The following GLP1R variants were observed in gnomAD, a reference collection of about 807,000 sequenced individuals.
GLP1R encodes glucagon like peptide 1 receptor, also known as glucagon-like peptide 1 receptor.
GLP1R carries 32 observed loss-of-function variants against 68.4 expected under a neutral mutation model. The ratio of observed to expected loss-of-function variants is 0.47; its 90% CI spans 0.35 to 0.63. The LOEUF is 0.63. Among genes scored for constraint, GLP1R ranks in the 20% least tolerant of loss-of-function variants. GLP1R has a pLI of 0.00. For synonymous variants in GLP1R, 263 were observed against 244.4 expected (o/e 1.08, Z -0.71); for missense variants, 502 against 594.9 (o/e 0.84, Z 1.62).
intron 11 of GLP1R, among the ~76,000 whole-genome samples, chr6:39,080,315 G>A (rs1322860045): frequency 7.9e-5 from 12 of 152,182 alleles, no homozygotes; most frequent in Admixed American, 7.9e-4. Flanking sequence ...AGATGGGGCT[G>A]GAGTGGGGAA....
chr6:39,076,002 G>A (rs1768813001), intron 7 of GLP1R, among the ~76,000 whole-genome samples: 1 of 152,250 alleles, frequency 6.6e-6, no homozygotes, highest in African/African-American at 2.4e-5. Context: ...CCAGCAGGGA[G>A]TGCGTAATGT....
chr6:39,076,201 G>C (rs146329999), intron 7 of GLP1R, among the ~76,000 whole-genome samples: 1 of 152,172 alleles, frequency 6.6e-6, no homozygotes, highest in Non-Finnish European at 1.5e-5. Context: ...GCATGTGTAC[G>C]TGGTTCAGGA....
chr6:39,089,478 C>G lies in GLP1R; in HGVS notation c.*3405C>G, dbSNP rs1453113442. 1.3e-5 allele frequency among the ~76,000 whole-genome samples: 2 copies of G among 152,180 alleles called. No individual in the cohort carries two copies. The highest frequency in any genetic ancestry group is 4.1e-4 in the South Asian group (2 of 4,828). ...CCACAAAGGGCAAATGGAGTCAACTCCCTTCCATGCTCTGAAGGTCTTGGC... is the reference window on the plus strand; with the variant it reads ...CCACAAAGGGCAAATGGAGTCAACTGCCTTCCATGCTCTGAAGGTCTTGGC... On this transcript the variant is annotated 3_prime_UTR_variant, in exon 13 of 13. Transcript: ENST00000373256. The surrounding 1 kb of genome is among the most constrained non-coding windows in gnomAD (Gnocchi z 4.1).
chr6:39,061,505 C>T (rs775815159), intron 3 of GLP1R, among the ~76,000 whole-genome samples: 94 of 152,308 alleles, frequency 6.2e-4, no homozygotes, highest in Admixed American at 1.2e-3. Flanking sequence ...GGTGCCTCCC[C>T]TGAGTAATGT....
rs200768073 is a variant in GLP1R, at chr6:39,086,341, G to A, written c.*268G>A. On this transcript the variant is annotated 3_prime_UTR_variant, in exon 13 of 13. Coordinates refer to ENST00000373256, the MANE Select transcript of GLP1R (RefSeq NM_002062.5). This position sits in a 1 kb window ranked among gnomAD's most constrained non-coding sequence, Gnocchi z 4.5. ...TGGCGAGAGGAGAGGAAAAACGATCGCTGTGAAAATGAGGAGGATTGCTTC... is the reference window on the plus strand; with the variant it reads ...TGGCGAGAGGAGAGGAAAAACGATCACTGTGAAAATGAGGAGGATTGCTTC... 1.7e-4 allele frequency: 64 copies of A among 380,126 alleles called. 1 individual carries two copies. The highest frequency in any genetic ancestry group is 4.7e-5 in the Non-Finnish European group (10 of 212,158). The allele number at this position is 380,126 out of a possible 1,614,324, so 23.5% of individuals were successfully genotyped here.
intron 1 of GLP1R, among the ~76,000 whole-genome samples, chr6:39,053,864 C>G (rs1005966848): frequency 1.3e-5 from 2 of 152,150 alleles, no homozygotes; most frequent in African/African-American, 4.8e-5. Context: ...CAGAACCTCC[C>G]ATCTGTCCCA....
chr6:39,085,524 C>A (rs562641234), intron 12 of GLP1R, among the ~76,000 whole-genome samples: 11 of 152,342 alleles, frequency 7.2e-5, no homozygotes, highest in African/African-American at 2.6e-4. Context: ...CAAGCTGAAA[C>A]TGGACTGTGC....
At chr6:39,053,572 T>C (rs189737604) in intron 1 of GLP1R, among the ~76,000 whole-genome samples, 43 of 152,176 alleles carry the variant, frequency 2.8e-4, no homozygotes, top group Non-Finnish European at 5.0e-4. Context: ...ATTGCTGCCA[T>C]TGACTGAGCC....
chr6:39,055,106 C>T (rs10305426), intron 1 of GLP1R, among the ~76,000 whole-genome samples: 24 of 152,096 alleles, frequency 1.6e-4, no homozygotes, highest in Non-Finnish European at 2.6e-4. Flanking sequence ...ATGGGGCCTC[C>T]GAGGCAGCAA....
chr6:39,053,864 C>T (rs1005966848), intron 1 of GLP1R, among the ~76,000 whole-genome samples: 6 of 152,150 alleles, frequency 3.9e-5, no homozygotes, highest in African/African-American at 2.4e-5. Context: ...CAGAACCTCC[C>T]ATCTGTCCCA....
rs182447758 is a variant in GLP1R, at chr6:39,073,626, G to A, written c.680G>A (p.Arg227His). 16 of 1,613,868 alleles carry A rather than the reference G, an allele frequency of 9.9e-6. No individual in the cohort carries two copies. Among genetic ancestry groups the A allele is most frequent in the East Asian group, 6.7e-5 (3 of 44,870 alleles). The change falls in exon 7 of 13, where the codon CGC becomes CAC. Residue 227 changes from arginine to histidine, a missense_variant. Coordinates refer to ENST00000373256, the MANE Select transcript of GLP1R (RefSeq NM_002062.5). Reference sequence around the variant, plus strand: ...TACCCCCAGGACTCTCTGAGCTGCCGCCTGGTGTTTCTGCTCATGCAGTAC... The same window carrying A: ...TACCCCCAGGACTCTCTGAGCTGCCACCTGGTGTTTCTGCTCATGCAGTAC... ...LLSYQDSLSC[R>H]LVFLLMQYCV...
intron 3 of GLP1R, among the ~76,000 whole-genome samples, chr6:39,059,976 G>A (rs1768317053): frequency 6.6e-6 from 1 of 152,126 alleles, no homozygotes; most frequent in Non-Finnish European, 1.5e-5. Context: ...CCCCCTGCCA[G>A]CCTTTCCCCA....
chr6:39,055,726 G>T (rs551921199), intron 1 of GLP1R, among the ~76,000 whole-genome samples: 14,419 of 150,568 alleles, frequency 0.096, 1,761 homozygotes, highest in African/African-American at 0.27. Context: ...CGGGGAGGGG[G>T]TGGGGGGTGC....
Position 39,048,861 on chromosome 6 carries a change from G to T in GLP1R, c.21G>T (p.Pro7=), listed in dbSNP as rs988014251. The change falls in exon 1 of 13, where the codon CCG becomes CCT. Residue 7 remains proline, a synonymous_variant. Coordinates refer to ENST00000373256, the MANE Select transcript of GLP1R (RefSeq NM_002062.5). MAGAPG[P]LRLALLLLGM... ...CCGCCATGGCCGGCGCCCCCGGCCCGCTGCGCCTTGCGCTGCTGCTGCTCG... is the reference window on the plus strand; with the variant it reads ...CCGCCATGGCCGGCGCCCCCGGCCCTCTGCGCCTTGCGCTGCTGCTGCTCG... 15 of 1,496,416 alleles carry T rather than the reference G, an allele frequency of 1.0e-5. No individual in the cohort carries two copies. The highest frequency in any genetic ancestry group is 1.5e-5 in the African/African-American group (1 of 68,596). 92.7% of individuals were successfully genotyped at this position (1,496,416 alleles called of 1,614,324 possible).
chr6:39,076,233 A>C (rs1181514605), intron 7 of GLP1R, among the ~76,000 whole-genome samples: 1 of 152,136 alleles, frequency 6.6e-6, no homozygotes, highest in African/African-American at 2.4e-5. Flanking sequence ...TCTTGCCCAG[A>C]CAATGTTCCT....
At chr6:39,084,486 C>A (rs894119293) in intron 12 of GLP1R, among the ~76,000 whole-genome samples, 4 of 152,122 alleles carry the variant, frequency 2.6e-5, no homozygotes, top group African/African-American at 9.7e-5. Context: ...ACCATCTTTC[C>A]CCCCCTCTCC....
At chr6:39,074,088 C>T (rs1019744250) in intron 7 of GLP1R, among the ~76,000 whole-genome samples, 3 of 152,150 alleles carry the variant, frequency 2.0e-5, no homozygotes, top group African/African-American at 7.2e-5. Context: ...GACATAAGTT[C>T]ACACCCAGTC....
Position 39,086,008 on chromosome 6 carries a change from C to G in GLP1R, c.1327C>G (p.Leu443Val). The G allele has an allele frequency of 6.2e-7, 1 of 1,614,028 alleles. No individual in the cohort carries two copies. The highest frequency in any genetic ancestry group is 8.5e-7 in the Non-Finnish European group (1 of 1,179,962). ...MKPLKCPTSS[L>V]SSGATAGSSM... ...GCCCCTCAAGTGTCCCACCAGCAGC[C>G]TGAGCAGTGGAGCCACGGCGGGCAG... Residue 443 changes from leucine (L) to valine (V), a missense_variant, in exon 13 of 13, where the codon CTG becomes GTG. Transcript: ENST00000373256. The surrounding 1 kb of genome is among the most constrained non-coding windows in gnomAD (Gnocchi z 4.5).
intron 11 of GLP1R, 21 bp from the exon 12 acceptor site, chr6:39,080,677 T>C (rs776484825): frequency 6.3e-7 from 1 of 1,580,270 alleles, no homozygotes; most frequent in Non-Finnish European, 8.6e-7. Context: ...TCCTCCCTCT[T>C]GATGTGACTC....
Sources: allele counts gnomAD v4.1 joint callset (sites outside exome capture counted in the v4.1 genomes callset), GRCh38; gene constraint gnomAD v4.1.1; non-coding constraint Gnocchi (gnomAD v3.1); transcripts MANE v1.5; gene names NCBI Gene and HGNC (gene_info 2026-07-23, HGNC 2026-07-21).